SPATA16: variants seen among roughly 807,000 people sequenced by gnomAD.
The protein encoded by SPATA16 is spermatogenesis-associated protein 16.
In SPATA16, 36 loss-of-function variants were observed where a neutral mutation model predicts 63.3. That is an observed-to-expected ratio of 0.57 (90% CI 0.44 to 0.75). The LOEUF (loss-of-function observed/expected upper bound fraction) is 0.75. SPATA16 is among the 30% of genes least tolerant of loss of function. The pLI, the probability that SPATA16 is intolerant of heterozygous loss-of-function variation, is 0.00. For missense variants in SPATA16, 646 were observed against 679.3 expected, an observed-to-expected ratio of 0.95 and a Z score of 0.54; for synonymous variants, 203 against 216.7, an observed-to-expected ratio of 0.94 and a Z score of 0.56.
intron 4 of SPATA16, among the ~76,000 whole-genome samples, chr3:173,017,997 A>C (rs142519580): frequency 1.0e-3 from 159 of 152,354 alleles, no homozygotes; most frequent in African/African-American, 3.5e-3. Flanking sequence ...GAGTAAATAA[A>C]AAGTAGGAAG....
chr3:172,962,121 T>C (rs1365324839), intron 5 of SPATA16, among the ~76,000 whole-genome samples: 1 of 151,688 alleles, frequency 6.6e-6, no homozygotes, highest in Non-Finnish European at 1.5e-5. Context: ...GACATGGTGG[T>C]GAGCGCCTGT....
chr3:173,021,544 A>AT (rs1210822300), intron 3 of SPATA16, among the ~76,000 whole-genome samples: 1 of 152,108 alleles, frequency 6.6e-6, no homozygotes, highest in Admixed American at 6.6e-5. Context: ...TACCATGAAT[A>AT]TTTTTTATTA....
chr3:172,960,828 T>G (rs900351404), intron 5 of SPATA16, among the ~76,000 whole-genome samples: 3 of 152,034 alleles, frequency 2.0e-5, no homozygotes, highest in Non-Finnish European at 2.9e-5. Context: ...AACTATAAAC[T>G]TCAAACATTT....
At chr3:173,124,192 T>G (rs995636531) in intron 1 of SPATA16, among the ~76,000 whole-genome samples, 1 of 152,250 alleles carries the variant, frequency 6.6e-6, no homozygotes, top group Admixed American at 6.5e-5. Flanking sequence ...ATCATGATAT[T>G]AAGTAGTGGA....
chr3:173,063,321 AC>A (rs1411699306), intron 2 of SPATA16, among the ~76,000 whole-genome samples: 1 of 152,214 alleles, frequency 6.6e-6, no homozygotes, highest in African/African-American at 2.4e-5. Flanking sequence ...TAGGTAGTTC[AC>A]TAATTCAAGA....
chr3:172,903,665 C>T (rs1732173363), intron 10 of SPATA16, among the ~76,000 whole-genome samples: 1 of 152,136 alleles, frequency 6.6e-6, no homozygotes, highest in Non-Finnish European at 1.5e-5. Flanking sequence ...AAGCTGTTTC[C>T]TTGAAGTTCT....
At chr3:173,037,171 C>T (rs189164733) in intron 3 of SPATA16, among the ~76,000 whole-genome samples, 142 of 152,138 alleles carry the variant, frequency 9.3e-4, no homozygotes, top group African/African-American at 3.2e-3. Context: ...GCACATGGAA[C>T]ATGCTTGTTG....
At chr3:173,128,836 T>C (rs1738295920) in intron 1 of SPATA16, among the ~76,000 whole-genome samples, 1 of 152,266 alleles carries the variant, frequency 6.6e-6, no homozygotes, top group South Asian at 2.1e-4. Context: ...AGCATATTCA[T>C]GATTAGCTTA....
intron 2 of SPATA16, among the ~76,000 whole-genome samples, chr3:173,110,133 T>C (rs573410159): frequency 2.6e-5 from 4 of 152,230 alleles, no homozygotes; most frequent in Non-Finnish European, 5.9e-5. Context: ...TTAGTTATGG[T>C]GTCCCTGTAT....
intron 9 of SPATA16, among the ~76,000 whole-genome samples, chr3:172,915,943 C>A (rs1214433614): frequency 6.6e-6 from 1 of 152,144 alleles, no homozygotes; most frequent in Non-Finnish European, 1.5e-5. Context: ...ACAGCAATTA[C>A]TCTTTTGTCC....
intron 4 of SPATA16, 104 bp from the exon 5 acceptor site, chr3:172,977,156 A>T: frequency 1.1e-6 from 1 of 937,372 alleles, no homozygotes; most frequent in Non-Finnish European, 1.7e-6. Context: ...ATGATTTTTA[A>T]TGTATAAATT....
chr3:173,026,352 A>G (rs1248082410), intron 3 of SPATA16, among the ~76,000 whole-genome samples: 1 of 151,942 alleles, frequency 6.6e-6, no homozygotes, highest in Non-Finnish European at 1.5e-5. Flanking sequence ...TGTAAGATAC[A>G]TATACTGCAC....
intron 2 of SPATA16, among the ~76,000 whole-genome samples, chr3:173,083,936 G>A (rs760462272): frequency 3.9e-5 from 6 of 151,976 alleles, no homozygotes; most frequent in Non-Finnish European, 5.9e-5. Context: ...TGTGAATAGC[G>A]CTGCAATGAA....
chr3:172,977,889 C>A (rs1358074688), intron 4 of SPATA16, among the ~76,000 whole-genome samples: 2 of 151,866 alleles, frequency 1.3e-5, no homozygotes, highest in African/African-American at 4.8e-5. Context: ...GACTGTGTAC[C>A]CCTGAATGTT....
intron 2 of SPATA16, among the ~76,000 whole-genome samples, chr3:173,083,832 C>T (rs1009141110): frequency 1.2e-4 from 18 of 152,128 alleles, no homozygotes; most frequent in East Asian, 3.9e-4. Flanking sequence ...TTCCTTTTTA[C>T]GACTGCATAG....
chr3:173,120,448 G>C (rs73880450), intron 1 of SPATA16, among the ~76,000 whole-genome samples: 3,997 of 152,038 alleles, frequency 0.026, 194 homozygotes, highest in African/African-American at 0.091. Flanking sequence ...AGGCAACATC[G>C]GTTTGTGAGC....
chr3:173,115,146 A>G (rs1737861415), intron 2 of SPATA16, among the ~76,000 whole-genome samples: 1 of 152,194 alleles, frequency 6.6e-6, no homozygotes, highest in African/African-American at 2.4e-5. Context: ...CAGTACAATT[A>G]TATTTTAGGT....
intron 2 of SPATA16, among the ~76,000 whole-genome samples, chr3:173,090,414 A>G (rs556645156): frequency 4.7e-4 from 72 of 152,278 alleles, no homozygotes; most frequent in African/African-American, 1.7e-3. Context: ...CTCTTTTCCA[A>G]TAAATTACCC....
chr3:173,127,126 A>C (rs1738247305), intron 1 of SPATA16, among the ~76,000 whole-genome samples: 1 of 152,170 alleles, frequency 6.6e-6, no homozygotes, highest in South Asian at 2.1e-4. Context: ...GTGCTTTACC[A>C]ATTTTAAACC....
Sources: gnomAD v4.1 joint callset for allele counts (sites outside exome capture counted in the v4.1 genomes callset) on GRCh38, gnomAD v4.1.1 for gene constraint, MANE v1.5 for transcripts, NCBI Gene and HGNC (gene_info 2026-07-23, HGNC 2026-07-21) for gene names.